TMPRSS11E: variants seen among roughly 807,000 people sequenced by gnomAD.
TMPRSS11E encodes transmembrane protease serine 11E.
A neutral mutation model predicts 48.1 loss-of-function variants in TMPRSS11E; 38 were observed. That is an observed-to-expected ratio of 0.79 (90% CI 0.61 to 1.04). The LOEUF (loss-of-function observed/expected upper bound fraction) is 1.04. TMPRSS11E is among the 50% of genes least tolerant of loss of function. TMPRSS11E has a pLI of 0.00. For synonymous variants in TMPRSS11E, 158 were observed against 171.9 expected (o/e 0.92, Z 0.63); for missense variants, 530 against 510.8 (o/e 1.04, Z -0.36).
chr4:68,451,942 T>C (rs1271981939), intron 1 of TMPRSS11E, among the ~76,000 whole-genome samples: 5 of 151,938 alleles, frequency 3.3e-5, no homozygotes, highest in Non-Finnish European at 5.9e-5. Flanking sequence ...GTGGTTCTTT[T>C]ACTACTTTGA....
In TMPRSS11E at chr4:68,477,571, G is replaced by C; in HGVS notation, c.910G>C (p.Glu304Gln). The change falls in exon 8 of 10, where the codon GAG becomes CAG. Residue 304 changes from glutamate (E) to glutamine (Q), a missense_variant. Physicochemically the swap from Glu to Gln is conservative, Grantham distance 29. Coordinates refer to ENST00000305363, the MANE Select transcript of TMPRSS11E (RefSeq NM_014058.4). ...AGTTTGTCTCCCTGATGCATCCTATGAGTTTCAACCAGGTGATGTGATGTT... is the reference window on the plus strand; with the variant it reads ...AGTTTGTCTCCCTGATGCATCCTATCAGTTTCAACCAGGTGATGTGATGTT... ...HRVCLPDASYEFQPGDVMFVT... is the reference protein window; with the variant it reads ...HRVCLPDASYQFQPGDVMFVT... 1 of 1,614,092 alleles carries C rather than the reference G, an allele frequency of 6.2e-7. No homozygotes were observed. Among genetic ancestry groups the C allele is most frequent in the Non-Finnish European group, 8.5e-7 (1 of 1,179,972 alleles).
At chr4:68,486,248 A>G (rs1729548796) in intron 9 of TMPRSS11E, among the ~76,000 whole-genome samples, 1 of 151,992 alleles carries the variant, frequency 6.6e-6, no homozygotes, top group Non-Finnish European at 1.5e-5. Flanking sequence ...TTAATTTAAG[A>G]TATTTATATC....
Position 68,476,318 on chromosome 4 carries a change from C to T in TMPRSS11E, c.587C>T (p.Thr196Ile), listed in dbSNP as rs747266733. The change falls in exon 7 of 10, where the codon ACA becomes ATA. Residue 196 changes from threonine to isoleucine, a missense_variant. Transcript: ENST00000305363. ...CAGAGTCTCAGGATCGTTGGTGGGA[C>T]AGAAGTAGAAGAGGGTGAATGGCCC... ...LGQSLRIVGG[T>I]EVEEGEWPWQ... 4 of 1,614,096 alleles carry T rather than the reference C, an allele frequency of 2.5e-6. No homozygotes were observed. The East Asian group carries it at 8.9e-5, about 36-fold the overall frequency.
intron 6 of TMPRSS11E, 59 bp from the exon 7 acceptor site, chr4:68,476,202 G>A: frequency 6.2e-7 from 1 of 1,607,490 alleles, no homozygotes; most frequent in Non-Finnish European, 8.5e-7. Context: ...ACAATTTGAT[G>A]TGCAAAACAA....
chr4:68,465,483 G>A (rs977342009), intron 2 of TMPRSS11E, among the ~76,000 whole-genome samples: 2 of 152,184 alleles, frequency 1.3e-5, no homozygotes, highest in Non-Finnish European at 2.9e-5. Flanking sequence ...AAGTAAGTGG[G>A]TACTTTGGGA....
intron 1 of TMPRSS11E, among the ~76,000 whole-genome samples, chr4:68,460,921 C>G (rs1728771901): frequency 6.6e-6 from 1 of 150,638 alleles, no homozygotes; most frequent in Admixed American, 6.6e-5. Context: ...CGCTCTACCG[C>G]CCAGGCTGGA....
At chr4:68,491,438 G>GT (rs1418249410) in intron 9 of TMPRSS11E, among the ~76,000 whole-genome samples, 2 of 151,566 alleles carry the variant, frequency 1.3e-5, no homozygotes, top group African/African-American at 4.9e-5. Context: ...TAATGCCCAG[G>GT]TATTTTTTTG....
At chr4:68,471,654 A>G (rs1729075038) in intron 5 of TMPRSS11E, 31 bp downstream of exon 5, 1 of 1,518,146 alleles carries the variant, frequency 6.6e-7, no homozygotes, top group South Asian at 1.3e-5. Flanking sequence ...TTTCTTTCAT[A>G]GAACAGCTTC....
Position 68,471,671 on chromosome 4 carries a change from G to A in TMPRSS11E, c.490+48G>A, listed in dbSNP as rs777684117. 41 of 1,440,226 alleles carry A rather than the reference G, an allele frequency of 2.8e-5. 1 individual carries two copies. Among genetic ancestry groups the A allele is most frequent in the Non-Finnish European group, 3.6e-5 (39 of 1,090,188 alleles). The allele number at this position is 1,440,226 out of a possible 1,614,324, so 89.2% of individuals were successfully genotyped here. On this transcript the variant is annotated intron_variant, in intron 5 of 9. Coordinates refer to ENST00000305363, the MANE Select transcript of TMPRSS11E (RefSeq NM_014058.4). ...TCTTTCATAGAACAGCTTCATGTTAGGTTTGATCTTGGCACTTATTAAAAA... is the reference window on the plus strand; with the variant it reads ...TCTTTCATAGAACAGCTTCATGTTAAGTTTGATCTTGGCACTTATTAAAAA...
intron 1 of TMPRSS11E, among the ~76,000 whole-genome samples, chr4:68,453,462 C>A (rs564607792): frequency 2.6e-5 from 4 of 152,006 alleles, no homozygotes; most frequent in Admixed American, 2.6e-4. Flanking sequence ...GAGCTTGTTA[C>A]AAAGAGGCTC....
intron 2 of TMPRSS11E, among the ~76,000 whole-genome samples, chr4:68,465,399 C>G (rs1405412837): frequency 6.6e-6 from 1 of 152,130 alleles, no homozygotes; most frequent in East Asian, 1.9e-4. Flanking sequence ...TTTTGCATAA[C>G]TTTTATACAA....
intron 9 of TMPRSS11E, among the ~76,000 whole-genome samples, chr4:68,489,235 C>T (rs576808846): frequency 2.6e-5 from 4 of 152,260 alleles, no homozygotes; most frequent in African/African-American, 9.6e-5. Context: ...CAAGGGTTAG[C>T]TCAGCACTCC....
chr4:68,463,859 G>A (rs988459480), intron 2 of TMPRSS11E, among the ~76,000 whole-genome samples: 1 of 151,958 alleles, frequency 6.6e-6, no homozygotes, highest in Admixed American at 6.6e-5. Context: ...GCCATACTTC[G>A]GCTTGTCTGA....
intron 1 of TMPRSS11E, among the ~76,000 whole-genome samples, chr4:68,458,539 G>C (rs1222971821): frequency 1.3e-5 from 2 of 152,092 alleles, no homozygotes; most frequent in Non-Finnish European, 2.9e-5. Flanking sequence ...TGAAAATATT[G>C]ACTGGACAAG....
chr4:68,473,367 T>C (rs1163497596), intron 5 of TMPRSS11E, among the ~76,000 whole-genome samples: 1 of 152,134 alleles, frequency 6.6e-6, no homozygotes, highest in Non-Finnish European at 1.5e-5. Context: ...CTCCAAGGCA[T>C]GTCAGTCCAC....
At chr4:68,468,818 T>C (rs912354516) in intron 3 of TMPRSS11E, 61 bp from the exon 4 acceptor site, 1 of 1,232,898 alleles carries the variant, frequency 8.1e-7, no homozygotes, top group African/African-American at 1.5e-5. Flanking sequence ...AGCTTTGAAT[T>C]AATTTGTGGA....
At chr4:68,474,585 A>T in intron 5 of TMPRSS11E, 138 bp from the exon 6 acceptor site, 1 of 792,052 alleles carries the variant, frequency 1.3e-6, no homozygotes, top group Admixed American at 2.4e-5. Flanking sequence ...TATGTCTATG[A>T]CAAGCTATGT....
intron 1 of TMPRSS11E, among the ~76,000 whole-genome samples, chr4:68,451,243 C>T (rs1728488850): frequency 6.6e-6 from 1 of 151,870 alleles, no homozygotes; most frequent in Non-Finnish European, 1.5e-5. Context: ...TTCAAGTGCG[C>T]TCCTTTGGAT....
chr4:68,460,186 ACAGC>A lies in TMPRSS11E; in HGVS notation c.12-1634_12-1631del, dbSNP rs373801723. On this transcript the variant is annotated intron_variant, in intron 1 of 9. Coordinates refer to ENST00000305363, the MANE Select transcript of TMPRSS11E (RefSeq NM_014058.4). ...GTCCCTTTCCCAGGGACAGGATTAT[ACAGC>A]GATGATAACACCATTGACTTCTATG... Among the ~76,000 whole-genome samples the A allele has an allele frequency of 4.0e-3, 609 of 152,272 alleles. 4 individuals carry two copies. The highest frequency in any genetic ancestry group is 0.014 in the African/African-American group (587 of 41,560).
Sources: allele counts gnomAD v4.1 joint callset (sites outside exome capture counted in the v4.1 genomes callset), GRCh38; gene constraint gnomAD v4.1.1; transcripts MANE v1.5; gene names NCBI Gene and HGNC (gene_info 2026-07-23, HGNC 2026-07-21).